KCNIP4: variants seen among roughly 807,000 people sequenced by gnomAD.
KCNIP4 encodes the protein potassium voltage-gated channel interacting protein 4, also known as Kv channel-interacting protein 4.
KCNIP4 carries 12 observed loss-of-function variants against 34.0 expected under a neutral mutation model. The ratio of observed to expected loss-of-function variants is 0.35; its 90% CI spans 0.23 to 0.57. KCNIP4 has a LOEUF of 0.57. KCNIP4 is among the 20% of genes least tolerant of loss of function. The pLI is 0.83. For synonymous variants in KCNIP4, 124 were observed against 102.2 expected (o/e 1.21, Z -1.29); for missense variants, 238 against 311.7 (o/e 0.76, Z 1.78).
At chr4:21,324,738 C>A (rs989673251) in intron 1 of KCNIP4, among the ~76,000 whole-genome samples, 4 of 147,418 alleles carry the variant, frequency 2.7e-5, no homozygotes, top group Non-Finnish European at 6.0e-5. Flanking sequence ...TTTGGCTTTT[C>A]TGGGTCTTTT....
chr4:21,766,161 T>C (rs1263701167), intron 1 of KCNIP4, among the ~76,000 whole-genome samples: 3 of 152,102 alleles, frequency 2.0e-5, no homozygotes, highest in Non-Finnish European at 4.4e-5. Flanking sequence ...GAGCAGGTGG[T>C]GGCCTGAACA....
intron 1 of KCNIP4, among the ~76,000 whole-genome samples, chr4:21,873,217 A>C (rs1306366017): frequency 6.6e-6 from 1 of 152,240 alleles, no homozygotes; most frequent in Non-Finnish European, 1.5e-5. Flanking sequence ...TTCCAGGTAT[A>C]AGGTGATATA....
chr4:21,226,414 C>A (rs1191225083), intron 1 of KCNIP4, among the ~76,000 whole-genome samples: 1 of 141,104 alleles, frequency 7.1e-6, no homozygotes, highest in Admixed American at 6.8e-5. Flanking sequence ...TACTAGTGAG[C>A]TTTTGGTTGC....
chr4:21,692,371 A>T (rs1711752364), intron 1 of KCNIP4, among the ~76,000 whole-genome samples: 1 of 152,342 alleles, frequency 6.6e-6, no homozygotes, highest in African/African-American at 2.4e-5. Context: ...GCAGATTATA[A>T]GAAGATTAAG....
intron 1 of KCNIP4, among the ~76,000 whole-genome samples, chr4:21,215,247 A>G (rs1437631047): frequency 6.6e-6 from 1 of 152,114 alleles, no homozygotes; most frequent in Non-Finnish European, 1.5e-5. Context: ...ACGTATCTTC[A>G]TTCCCTTGCT....
At chr4:21,542,998 A>G (rs986938420) in intron 1 of KCNIP4, among the ~76,000 whole-genome samples, 3 of 152,032 alleles carry the variant, frequency 2.0e-5, no homozygotes, top group Non-Finnish European at 4.4e-5. Context: ...TTAATGTACA[A>G]CAAAGCTTAA....
intron 1 of KCNIP4, among the ~76,000 whole-genome samples, chr4:21,388,873 A>T (rs1722277579): frequency 6.6e-6 from 1 of 152,170 alleles, no homozygotes; most frequent in African/African-American, 2.4e-5. Flanking sequence ...TATACATGTA[A>T]TATCTTTATT....
chr4:21,473,271 T>C (rs1245434232), intron 1 of KCNIP4, among the ~76,000 whole-genome samples: 1 of 152,168 alleles, frequency 6.6e-6, no homozygotes, highest in Non-Finnish European at 1.5e-5. Context: ...ATAAAATATA[T>C]ATTTCTCAGT....
intron 1 of KCNIP4, among the ~76,000 whole-genome samples, chr4:21,490,391 T>G (rs922833650): frequency 3.3e-5 from 5 of 152,142 alleles, no homozygotes; most frequent in African/African-American, 1.2e-4. Flanking sequence ...GTTCCTTTCC[T>G]TCTCACAACC....
At chr4:21,524,594 CACTT>C (rs1735814567) in intron 1 of KCNIP4, among the ~76,000 whole-genome samples, 1 of 152,194 alleles carries the variant, frequency 6.6e-6, no homozygotes, top group South Asian at 2.1e-4. Context: ...ACTTACTTAA[CACTT>C]ATTCGTTCTT....
intron 1 of KCNIP4, among the ~76,000 whole-genome samples, chr4:21,042,796 C>T (rs1742080360): frequency 6.6e-6 from 1 of 151,932 alleles, no homozygotes; most frequent in Non-Finnish European, 1.5e-5. Context: ...TAAGTATGTA[C>T]AATTATTATG....
At chr4:20,753,755 C>T (rs575173884) in intron 4 of KCNIP4, among the ~76,000 whole-genome samples, 1 of 152,274 alleles carries the variant, frequency 6.6e-6, no homozygotes, top group African/African-American at 2.4e-5. Context: ...GAAATACTGT[C>T]CTAGGACAAG....
chr4:21,863,676 G>T (rs1459983904), intron 1 of KCNIP4, among the ~76,000 whole-genome samples: 1 of 152,094 alleles, frequency 6.6e-6, no homozygotes, highest in East Asian at 1.9e-4. Flanking sequence ...GAGAAGAAAT[G>T]GAGAAACAAA....
At chr4:21,125,728 A>G (rs1447396838) in intron 1 of KCNIP4, among the ~76,000 whole-genome samples, 1 of 152,122 alleles carries the variant, frequency 6.6e-6, no homozygotes, top group Non-Finnish European at 1.5e-5. Context: ...TGTTTACAAA[A>G]CAACCATACT....
At chr4:20,748,894 G>GTATATATA (rs57841958) in intron 5 of KCNIP4, among the ~76,000 whole-genome samples, 1 of 145,248 alleles carries the variant, frequency 6.9e-6, no homozygotes, top group Admixed American at 7.0e-5. Flanking sequence ...GTGTGTGTGT[G>GTATATATA]TATATATATA....
intron 1 of KCNIP4, among the ~76,000 whole-genome samples, chr4:21,813,480 A>C (rs1357893606): frequency 6.6e-6 from 1 of 152,194 alleles, no homozygotes; most frequent in Non-Finnish European, 1.5e-5. Context: ...TTACCATCCC[A>C]GAGAAAAACT....
At chr4:21,785,160 G>A (rs573149170) in intron 1 of KCNIP4, among the ~76,000 whole-genome samples, 1 of 152,174 alleles carries the variant, frequency 6.6e-6, no homozygotes, top group South Asian at 2.1e-4. Context: ...AATTATTTTT[G>A]TAGTAGCTTT....
In KCNIP4 at chr4:21,615,118, G is replaced by T. The variant is rs1744484676; in HGVS notation, c.61+333453C>A. ...ACAATTGAAAGAAAGAATGAAAGAA[G>T]GAGGGAGAGAAAAGAGTGAAAGTAG... On this transcript the variant is annotated intron_variant, in intron 1 of 8. Transcript: ENST00000382152. Among the ~76,000 whole-genome samples the T allele has an allele frequency of 2.7e-5, 4 of 149,028 alleles. No homozygotes were observed. The South Asian group carries it at 8.4e-4, about 31-fold the overall frequency.
Position 20,906,938 on chromosome 4 carries a change from A to G in KCNIP4, c.62-24229T>C, listed in dbSNP as rs78135055. ...AAGTAGGATTTGTAAGGTTTGGGGC[A>G]TTGAGTTAAGTTTTAGAAACTCCAT... On this transcript the variant is annotated intron_variant, in intron 1 of 8. Coordinates refer to ENST00000382152, the MANE Select transcript of KCNIP4 (RefSeq NM_025221.6). Among the ~76,000 whole-genome samples the G allele has an allele frequency of 9.8e-3, 1,495 of 152,336 alleles. 11 individuals carry two copies. The highest frequency in any genetic ancestry group is 0.02 in the Admixed American group (299 of 15,296).
Sources: allele counts gnomAD v4.1 joint callset (sites outside exome capture counted in the v4.1 genomes callset), GRCh38; gene constraint gnomAD v4.1.1; transcripts MANE v1.5; gene names NCBI Gene and HGNC (gene_info 2026-07-23, HGNC 2026-07-21).